The following ADGRF5 variants were observed in gnomAD, a reference collection of about 807,000 sequenced individuals.
ADGRF5 encodes adhesion G protein-coupled receptor F5.
Under a neutral mutation model 132.3 loss-of-function variants are expected in ADGRF5, and 75 were observed. The ratio of observed to expected loss-of-function variants is 0.57; its 90% CI spans 0.47 to 0.69. The LOEUF (loss-of-function observed/expected upper bound fraction) is 0.69. Among genes scored for constraint, ADGRF5 ranks in the 30% least tolerant of loss-of-function variants. ADGRF5 has a pLI of 0.00. For synonymous variants in ADGRF5, 629 were observed against 597.6 expected (o/e 1.05, Z -0.77); for missense variants, 1,516 against 1,630.6 (o/e 0.93, Z 1.21).
At chr6:46,873,590 T>TC (rs1771324496) in intron 10 of ADGRF5, among the ~76,000 whole-genome samples, 1 of 152,146 alleles carries the variant, frequency 6.6e-6, no homozygotes, top group African/African-American at 2.4e-5. Flanking sequence ...ATTGCCCCTT[T>TC]CCTCATCTTT....
chr6:46,940,441 T>G lies in ADGRF5; in HGVS notation c.-25+14293A>C, dbSNP rs555014579. Among the ~76,000 whole-genome samples the G allele has an allele frequency of 4.9e-4, 75 of 152,206 alleles. 1 individual carries two copies. The highest frequency in any genetic ancestry group is 5.1e-4 in the Non-Finnish European group (35 of 68,038). ...CAATTCTCCTTCTTTTGAGGGCATT[T>G]TGGATTTCCCAGCCTCCTCCTGCCT... On this transcript the variant is annotated intron_variant, in intron 1 of 20. Transcript: ENST00000265417.
In ADGRF5 at chr6:46,871,881, C is replaced by G. The variant is rs564511855; in HGVS notation, c.1373G>C (p.Arg458Thr). The G allele has an allele frequency of 6.2e-7, 1 of 1,609,940 alleles. No individual in the cohort carries two copies. Among genetic ancestry groups the G allele is most frequent in the East Asian group, 2.2e-5 (1 of 44,810 alleles). The change falls in exon 11 of 21, where the codon AGA (arginine) becomes ACA (threonine). Residue 458 changes from arginine to threonine, a missense_variant. Coordinates refer to ENST00000283296, the MANE Select transcript of ADGRF5 (RefSeq NM_001098518.2). The part of the protein sequence containing the change: ...TCEFISAYGA[R>T]GSANIKVTFI... The stretch of plus-strand genomic sequence containing the variant: ...TGTCACTTTTATGTTTGCACTGCCT[C>G]TGGCTCCATAGGCACTGATGAACTC...
chr6:46,903,246 G>A (rs761518318), intron 2 of ADGRF5, among the ~76,000 whole-genome samples: 11 of 152,098 alleles, frequency 7.2e-5, no homozygotes, highest in Non-Finnish European at 1.5e-4. Flanking sequence ...CCCAGTGCTC[G>A]GCAGTGTATT....
intron 1 of ADGRF5, among the ~76,000 whole-genome samples, chr6:46,934,126 A>G (rs1286733411): frequency 6.6e-6 from 1 of 152,170 alleles, no homozygotes; most frequent in Non-Finnish European, 1.5e-5. Context: ...CTCTCACTAA[A>G]TATGGGCAAT....
At chr6:46,947,900 T>C (rs557852335) in intron 1 of ADGRF5, among the ~76,000 whole-genome samples, 1 of 152,270 alleles carries the variant, frequency 6.6e-6, no homozygotes, top group African/African-American at 2.4e-5. Context: ...TGTTTGTACG[T>C]GCAGGTCCCC....
Position 46,863,083 on chromosome 6 carries a change from T to C in ADGRF5, c.2004A>G (p.Thr668=). ...CGACACCTATTACGGGATCCTGGCA[T>C]GTGATGTTTTCCCCTGTGTTGGAAA... ...KLNLVPGENI[T]CQDPVIGVGE... The change falls in exon 15 of 21, where the codon ACA becomes ACG. Residue 668 remains threonine, a synonymous_variant. Coordinates refer to ENST00000283296, the MANE Select transcript of ADGRF5 (RefSeq NM_001098518.2). 2.5e-6 allele frequency: 4 copies of C among 1,613,196 alleles called. No homozygotes were observed. The highest frequency in any genetic ancestry group is 3.4e-6 in the Non-Finnish European group (4 of 1,179,168).
upstream of ADGRF5, among the ~76,000 whole-genome samples, chr6:46,924,914 A>G (rs9472911): frequency 6.6e-6 from 1 of 152,142 alleles, no homozygotes; most frequent in Non-Finnish European, 1.5e-5. Context: ...TGCTGCTATC[A>G]TTCTCATCCA....
chr6:46,861,108 G>C (rs1267419584), intron 15 of ADGRF5, among the ~76,000 whole-genome samples: 2 of 152,162 alleles, frequency 1.3e-5, no homozygotes, highest in Non-Finnish European at 2.9e-5. Context: ...CACAGAAGGG[G>C]AACAAATGTA....
intron 4 of ADGRF5, chr6:46,886,666 G>A (rs1004018): frequency 0.17 from 25,471 of 152,172 alleles, 2,275 homozygotes; most frequent in Admixed American, 0.19. Context: ...GTAGGCTGTT[G>A]GAAGAATGAG....
Position 46,863,087 on chromosome 6 carries a change from A to G in ADGRF5, c.2000T>C (p.Ile667Thr), listed in dbSNP as rs766511327. ...ACCTATTACGGGATCCTGGCATGTG[A>G]TGTTTTCCCCTGTGTTGGAAACATT... is the stretch of plus-strand genomic sequence containing the variant. ...MKLNLVPGEN[I>T]TCQDPVIGVG... is the part of the protein sequence containing the mutation. Residue 667 changes from isoleucine to threonine, a missense_variant, in exon 15 of 21, where the codon ATC becomes ACC. Ile to Thr is a moderately conservative substitution (Grantham distance 89). This residue lies in a region of ADGRF5 where 945 missense variants were observed against 929.4 expected (regional missense o/e 1.02). Coordinates refer to ENST00000283296, the MANE Select transcript of ADGRF5 (RefSeq NM_001098518.2). 6.2e-7 allele frequency: 1 copy of G among 1,612,832 alleles called. No homozygotes were observed. Among genetic ancestry groups the G allele is most frequent in the East Asian group, 2.2e-5 (1 of 44,864 alleles).
chr6:46,934,935 A>AT (rs1197270401), intron 1 of ADGRF5, among the ~76,000 whole-genome samples: 1 of 150,260 alleles, frequency 6.7e-6, no homozygotes, highest in Non-Finnish European at 1.5e-5. Context: ...CCTTCAATAG[A>AT]TTTTTTAGGA....
intron 12 of ADGRF5, among the ~76,000 whole-genome samples, chr6:46,867,888 G>T (rs188512006): frequency 1.1e-3 from 162 of 152,296 alleles, no homozygotes; most frequent in African/African-American, 3.7e-3. Context: ...TTATGGGACT[G>T]TTTAATAGAT....
At chr6:46,918,360 A>G (rs920851746) in intron 1 of ADGRF5, among the ~76,000 whole-genome samples, 1 of 152,204 alleles carries the variant, frequency 6.6e-6, no homozygotes, top group Non-Finnish European at 1.5e-5. Flanking sequence ...ACTAACTTGA[A>G]CTATATCAAG....
At chr6:46,878,441 C>T in intron 9 of ADGRF5, 36 bp from the exon 10 acceptor site, 5 of 1,222,312 alleles carry the variant, frequency 4.1e-6, no homozygotes, top group Non-Finnish European at 6.0e-6. Context: ...ATTATTATAA[C>T]ACATGTGTAT....
intron 12 of ADGRF5, 49 bp downstream of exon 12, chr6:46,868,834 G>T: frequency 8.3e-7 from 1 of 1,203,066 alleles, no homozygotes; most frequent in Non-Finnish European, 1.2e-6. Context: ...ATTATTGCAT[G>T]TTTCCAAGAG....
In ADGRF5 at chr6:46,868,925, C is replaced by T. The variant is rs141815815; in HGVS notation, c.1579G>A (p.Glu527Lys). 43 of 1,613,502 alleles carry T rather than the reference C, an allele frequency of 2.7e-5. No homozygotes were observed. The highest frequency in any genetic ancestry group is 7.6e-6 in the Non-Finnish European group (9 of 1,179,560). The change falls in exon 12 of 21, where the codon GAA (glutamate) becomes AAA (lysine). Residue 527 changes from glutamate (E) to lysine (K), a missense_variant. Physicochemically the swap from Glu to Lys is moderately conservative, Grantham distance 56. Around this residue, in one of 2 missense-constraint regions of ADGRF5, gnomAD observed 945 missense variants for 929.4 expected, o/e 1.02. Coordinates refer to ENST00000283296, the MANE Select transcript of ADGRF5 (RefSeq NM_001098518.2). ...YTTRRYLDGA[E>K]SVLTVKTSTR... ...GAGGTCTTGACTGTCAGTACTGATT[C>T]TGCTCCATCAAGATACCTCCTCGTG...
At chr6:46,943,393 A>C (rs1461214323) in intron 1 of ADGRF5, among the ~76,000 whole-genome samples, 2 of 152,218 alleles carry the variant, frequency 1.3e-5, no homozygotes, top group African/African-American at 4.8e-5. Context: ...TTCACTGGAC[A>C]AATGTTTCTG....
chr6:46,899,335 T>C (rs1390198199), intron 3 of ADGRF5, among the ~76,000 whole-genome samples: 2 of 151,234 alleles, frequency 1.3e-5, no homozygotes, highest in Admixed American at 1.3e-4. Flanking sequence ...CCATGAAGAG[T>C]TCTATGGGGG....
chr6:46,906,921 T>A, intron 1 of ADGRF5, 135 bp from the exon 2 acceptor site: 1 of 637,750 alleles, frequency 1.6e-6, no homozygotes, highest in Non-Finnish European at 2.8e-6. Flanking sequence ...AGGAGGAGCA[T>A]GAAGGAATCA....
Sources: gnomAD v4.1 joint callset for allele counts (sites outside exome capture counted in the v4.1 genomes callset) on GRCh38, gnomAD v4.1.1 for gene constraint, gnomAD v4.1.1 regional missense constraint, MANE v1.5 for transcripts, NCBI Gene and HGNC (gene_info 2026-07-23, HGNC 2026-07-21) for gene names.